The following LGSN variants were observed in gnomAD, a reference collection of about 807,000 sequenced individuals.
The protein encoded by LGSN is lengsin.
A neutral mutation model predicts 19.5 loss-of-function variants in LGSN; 21 were observed. The ratio of observed to expected loss-of-function variants is 1.07; its 90% CI spans 0.76 to 1.55. The LOEUF (loss-of-function observed/expected upper bound fraction) is 1.55, where lower values mean the gene tolerates loss of function less well. Among genes scored for constraint, LGSN ranks in the 40% most tolerant of loss-of-function variants. LGSN has a pLI of 0.00. For missense variants in LGSN, 673 were observed against 608.5 expected (o/e 1.11, Z -1.12); for synonymous variants, 257 against 215.6 (o/e 1.19, Z -1.68).
chr6:63,483,073 T>G, the LGSN span, among the ~76,000 whole-genome samples: 3 of 152,276 alleles, frequency 2.0e-5, no homozygotes, highest in African/African-American at 7.2e-5. Context: ...GACTAGAGAG[T>G]TAAACAAGCC....
At chr6:63,400,074 A>G in the LGSN span, among the ~76,000 whole-genome samples, 3 of 152,242 alleles carry the variant, frequency 2.0e-5, no homozygotes, top group Non-Finnish European at 2.9e-5. Context: ...TTGCAAAAAT[A>G]GCCCTCATTT....
At chr6:63,362,569 G>A in the LGSN span, among the ~76,000 whole-genome samples, 1 of 152,198 alleles carries the variant, frequency 6.6e-6, no homozygotes, top group East Asian at 1.9e-4. Context: ...TGGCTCAGAG[G>A]GTCTCACACC....
chr6:63,475,983 C>A, the LGSN span, among the ~76,000 whole-genome samples: 5 of 152,140 alleles, frequency 3.3e-5, no homozygotes, highest in African/African-American at 1.2e-4. Context: ...GTACTGACCC[C>A]TTCTGTCTAA....
At chr6:63,520,316 A>G in the LGSN span, among the ~76,000 whole-genome samples, 8 of 152,206 alleles carry the variant, frequency 5.3e-5, no homozygotes, top group Non-Finnish European at 1.0e-4. Context: ...ATGAATAGGA[A>G]AAATAGTAAA....
chr6:63,331,401 A>C, the LGSN span, among the ~76,000 whole-genome samples: 1 of 152,180 alleles, frequency 6.6e-6, no homozygotes, highest in Non-Finnish European at 1.5e-5. Context: ...ATTGGGGCCA[A>C]GCCGTAGTGC....
chr6:63,394,104 T>C, the LGSN span, among the ~76,000 whole-genome samples: 1 of 151,998 alleles, frequency 6.6e-6, no homozygotes, highest in African/African-American at 2.4e-5. Flanking sequence ...CTGTCTCCAC[T>C]AAAAATACAA....
the LGSN span, among the ~76,000 whole-genome samples, chr6:63,365,596 C>A: frequency 6.6e-6 from 1 of 151,924 alleles, no homozygotes; most frequent in Non-Finnish European, 1.5e-5. Context: ...ATGAGGCCAG[C>A]ATCATCCTGA....
intron 1 of LGSN, among the ~76,000 whole-genome samples, chr6:63,318,706 C>A (rs1382267221): frequency 6.6e-6 from 1 of 152,088 alleles, no homozygotes; most frequent in Non-Finnish European, 1.5e-5. Flanking sequence ...GAGGGCATGG[C>A]TTTTAAGGAC....
the LGSN span, among the ~76,000 whole-genome samples, chr6:63,507,403 A>G: frequency 6.6e-6 from 1 of 152,182 alleles, no homozygotes; most frequent in Admixed American, 6.5e-5. Flanking sequence ...TAATTCATTC[A>G]TACCTTTTGA....
chr6:63,338,709 TTTTC>T, the LGSN span, among the ~76,000 whole-genome samples: 1 of 152,122 alleles, frequency 6.6e-6, no homozygotes, highest in Admixed American at 6.5e-5. Context: ...TATTTATTAT[TTTTC>T]TTTCTTTCTA....
chr6:63,364,764 A>C, the LGSN span, among the ~76,000 whole-genome samples: 1 of 152,256 alleles, frequency 6.6e-6, no homozygotes, highest in Non-Finnish European at 1.5e-5. Context: ...ATCAAACTAG[A>C]ACTCAGGATT....
chr6:63,290,014 A>C (rs1366228366), intron 2 of LGSN, among the ~76,000 whole-genome samples: 1 of 152,158 alleles, frequency 6.6e-6, no homozygotes, highest in Non-Finnish European at 1.5e-5. Flanking sequence ...GCAGGGAAAA[A>C]AAGCAATACA....
chr6:63,328,342 C>T, the LGSN span, among the ~76,000 whole-genome samples: 1 of 152,318 alleles, frequency 6.6e-6, no homozygotes, highest in East Asian at 1.9e-4. Flanking sequence ...GTTCCCCATC[C>T]TCTGGGAGAA....
At chr6:63,389,343 G>A in the LGSN span, among the ~76,000 whole-genome samples, 1 of 152,170 alleles carries the variant, frequency 6.6e-6, no homozygotes, top group African/African-American at 2.4e-5. Context: ...AGGATATTGA[G>A]CCTGATTCAT....
chr6:63,473,489 A>AG, the LGSN span, among the ~76,000 whole-genome samples: 1 of 151,554 alleles, frequency 6.6e-6, no homozygotes, highest in African/African-American at 2.4e-5. Flanking sequence ...AAAAAAAAAA[A>AG]AAAAAAAAAA....
chr6:63,554,386 T>G, the LGSN span, among the ~76,000 whole-genome samples: 1 of 152,196 alleles, frequency 6.6e-6, no homozygotes, highest in Non-Finnish European at 1.5e-5. Context: ...TAGACTGTAG[T>G]CCCAAATCCT....
the LGSN span, among the ~76,000 whole-genome samples, chr6:63,533,344 T>C: frequency 2.0e-5 from 3 of 152,164 alleles, no homozygotes; most frequent in African/African-American, 7.2e-5. Context: ...ATTATGACAC[T>C]GCACTTCAGC....
chr6:63,339,188 C>T, the LGSN span, among the ~76,000 whole-genome samples: 25 of 152,142 alleles, frequency 1.6e-4, no homozygotes, highest in African/African-American at 5.1e-4. Flanking sequence ...CTGTTAAGTC[C>T]ATTTGGTCTA....
the LGSN span, among the ~76,000 whole-genome samples, chr6:63,527,423 A>C: frequency 6.6e-6 from 1 of 152,186 alleles, no homozygotes; most frequent in Non-Finnish European, 1.5e-5. Context: ...ACAAATAGTC[A>C]TCTACTATTT....
Sources: gnomAD v4.1 joint callset for allele counts (sites outside exome capture counted in the v4.1 genomes callset) on GRCh38, gnomAD v4.1.1 for gene constraint, MANE v1.5 for transcripts, NCBI Gene and HGNC (gene_info 2026-07-23, HGNC 2026-07-21) for gene names.